Variants in CD226 observed in about 807,000 individuals in gnomAD.
The protein encoded by CD226 is CD226 molecule, also known as CD226 antigen.
CD226 carries 24 observed loss-of-function variants against 34.9 expected under a neutral mutation model. The observed-to-expected ratio is 0.69, with a 90% CI of 0.50 to 0.97. The LOEUF (loss-of-function observed/expected upper bound fraction) is 0.97, where lower values mean the gene tolerates loss of function less well. Ranked by LOEUF, CD226 falls within the 50% of genes least tolerant of loss-of-function variation. The pLI is 0.00. For missense variants in CD226, 397 were observed against 412.7 expected (o/e 0.96, Z 0.33); for synonymous variants, 148 against 147.4 (o/e 1.00, Z -0.03).
Position 69,903,890 on chromosome 18 carries a change from G to A in CD226, c.383-7845C>T, listed in dbSNP as rs140771473. Among the ~76,000 whole-genome samples, 413 of 152,194 alleles carry A rather than the reference G, an allele frequency of 2.7e-3. 1 individual carries two copies. Among genetic ancestry groups the A allele is most frequent in the African/African-American group, 9.4e-3 (389 of 41,506 alleles). On this transcript the variant is annotated intron_variant, in intron 2 of 5. Coordinates refer to ENST00000582621, the MANE Select transcript of CD226 (RefSeq NM_001303618.2). ...TTGGTATCATGTGCCAGCAGCTCTA[G>A]GACACTAATAGGGAGTAAGGACCAT...
chr18:69,893,159 T>C (rs1462982204), intron 3 of CD226, among the ~76,000 whole-genome samples: 1 of 152,204 alleles, frequency 6.6e-6, no homozygotes, highest in African/African-American at 2.4e-5. Context: ...CTGTCAATGA[T>C]AACTTTTTAC....
At chr18:69,909,252 A>T (rs977459675) in intron 2 of CD226, among the ~76,000 whole-genome samples, 5 of 152,138 alleles carry the variant, frequency 3.3e-5, no homozygotes, top group African/African-American at 1.2e-4. Context: ...TCCAAAGATG[A>T]TGTGTTGTAA....
Position 69,860,652 on chromosome 18 carries a change from T to C in CD226, c.*3662A>G, listed in dbSNP as rs1241995781. The C allele has an allele frequency of 1.3e-5, 2 of 152,082 alleles. No homozygotes were observed. The highest frequency in any genetic ancestry group is 4.8e-5 in the African/African-American group (2 of 41,414). 9.4% of individuals were successfully genotyped at this position (152,082 alleles called of 1,614,324 possible). A position where few individuals can be genotyped will look rare whatever the true frequency, so the allele number is the denominator to read the frequency against. ...AGATACATGTTTTAAGAGCCCAGAGTCTTGGCTGGAAGAACTCTAATGAAC... is the reference window on the plus strand; with the variant it reads ...AGATACATGTTTTAAGAGCCCAGAGCCTTGGCTGGAAGAACTCTAATGAAC... On this transcript the variant is annotated 3_prime_UTR_variant, in exon 6 of 6. Coordinates refer to ENST00000582621, the MANE Select transcript of CD226 (RefSeq NM_001303618.2).
intron 1 of CD226, 125 bp from the exon 2 acceptor site, chr18:69,947,194 T>G: frequency 1.1e-6 from 1 of 944,404 alleles, no homozygotes; most frequent in Non-Finnish European, 1.6e-6. Context: ...TGCCTTTGTC[T>G]AAAAAGGCGT....
chr18:69,896,397 G>A lies in CD226; in HGVS notation c.383-352C>T, dbSNP rs570081406. Among the ~76,000 whole-genome samples the A allele has an allele frequency of 3.4e-4, 51 of 152,180 alleles. 1 individual carries two copies. The South Asian group carries it at 7.3e-3, about 22-fold the overall frequency. On this transcript the variant is annotated intron_variant, in intron 2 of 5. Coordinates refer to ENST00000582621, the MANE Select transcript of CD226 (RefSeq NM_001303618.2). ...GGGCTTTCACCGTGTTAGCCAGGATGGTCTCAATCTCCTGACCTTGTGATC... is the reference window on the plus strand; with the variant it reads ...GGGCTTTCACCGTGTTAGCCAGGATAGTCTCAATCTCCTGACCTTGTGATC...
At chr18:69,942,276 G>A (rs2055734987) in intron 2 of CD226, among the ~76,000 whole-genome samples, 3 of 152,326 alleles carry the variant, frequency 2.0e-5, no homozygotes, top group African/African-American at 7.2e-5. Context: ...TTTCTCTGGA[G>A]AAGCCTGACT....
intron 4 of CD226, among the ~76,000 whole-genome samples, chr18:69,870,506 C>T (rs1983455660): frequency 6.6e-6 from 1 of 151,736 alleles, no homozygotes; most frequent in East Asian, 2.0e-4. Context: ...AACTCCTGAC[C>T]TCAAATGATC....
chr18:69,922,745 G>C (rs1457467055), intron 2 of CD226, among the ~76,000 whole-genome samples: 1 of 152,118 alleles, frequency 6.6e-6, no homozygotes, highest in Non-Finnish European at 1.5e-5. Flanking sequence ...CCTGGGAATG[G>C]GGCCCTTCGC....
At chr18:69,934,250 G>A (rs1301848519) in intron 2 of CD226, among the ~76,000 whole-genome samples, 2 of 149,390 alleles carry the variant, frequency 1.3e-5, no homozygotes, top group Non-Finnish European at 3.0e-5. Context: ...TATATATCAT[G>A]AAGGAAATGA....
upstream of CD226, among the ~76,000 whole-genome samples, chr18:69,951,807 C>T (rs575508473): frequency 2.8e-4 from 43 of 152,084 alleles, no homozygotes; most frequent in Non-Finnish European, 5.1e-4. Context: ...GGAAAGAGAA[C>T]ATTTATACAC....
Position 69,947,006 on chromosome 18 carries a change from C to A in CD226, c.110G>T (p.Cys37Phe). ...VPFAENMSLE[C>F]VYPSMGILTQ... is the part of the protein sequence containing the mutation. ...TAAGATGCCCATTGATGGATACACA[C>A]ATTCTAGAGACATGTTCTCGGCAAA... The change falls in exon 2 of 6, where the codon TGT becomes TTT. Residue 37 changes from cysteine to phenylalanine, a missense_variant. Transcript: ENST00000582621. 2 of 1,614,214 alleles carry A rather than the reference C, an allele frequency of 1.2e-6. No homozygotes were observed. The highest frequency in any genetic ancestry group is 3.3e-4 in the Middle Eastern group (2 of 6,062).
At chr18:69,873,357 G>T in intron 3 of CD226, 111 bp from the exon 4 acceptor site, 1 of 590,334 alleles carries the variant, frequency 1.7e-6, no homozygotes, top group Non-Finnish European at 3.0e-6. Flanking sequence ...CAAAAACAAA[G>T]AATCCAACAA....
chr18:69,870,862 GC>G (rs1178807386), intron 4 of CD226, among the ~76,000 whole-genome samples: 1 of 152,180 alleles, frequency 6.6e-6, no homozygotes, highest in Non-Finnish European at 1.5e-5. Flanking sequence ...CATTGTTGGA[GC>G]CCTTGGGTCA....
At position 69,857,927 on chromosome 18, in the gene CD226, GTA is replaced by G. The variant is rs1239565132; in HGVS notation, c.*6385_*6386del. 3 of 152,104 alleles carry G rather than the reference GTA, an allele frequency of 2.0e-5. No homozygotes were observed. Among genetic ancestry groups the G allele is most frequent in the Non-Finnish European group, 2.9e-5 (2 of 68,020 alleles). 9.4% of individuals were successfully genotyped at this position (152,104 alleles called of 1,614,324 possible). On this transcript the variant is annotated 3_prime_UTR_variant, in exon 6 of 6. Transcript: ENST00000582621. ...CTTCTTACTTGAAATTTTGGAGGTA[GTA>G]TGTTACCAAAAAAAATGGTAGTTCT... is the stretch of plus-strand genomic sequence containing the variant.
chr18:69,926,912 G>C (rs1205449324), intron 2 of CD226, among the ~76,000 whole-genome samples: 1 of 152,106 alleles, frequency 6.6e-6, no homozygotes, highest in Non-Finnish European at 1.5e-5. Flanking sequence ...GTGTAATAAA[G>C]ACAAGAACCA....
At chr18:69,895,666 T>A in intron 3 of CD226, 35 bp downstream of exon 3, 2 of 1,532,586 alleles carry the variant, frequency 1.3e-6, no homozygotes, top group Non-Finnish European at 9.0e-7. Context: ...GCTTTTTCCA[T>A]GTTTGATACC....
At chr18:69,865,193 T>C (rs1483280222) in intron 5 of CD226, among the ~76,000 whole-genome samples, 1 of 152,148 alleles carries the variant, frequency 6.6e-6, no homozygotes, top group Non-Finnish European at 1.5e-5. Context: ...TTTCGCCATG[T>C]TGGCCAGGCT....
Position 69,856,544 on chromosome 18 carries a change from C to A in CD226, c.*7770G>T, listed in dbSNP as rs1485662931. On this transcript the variant is annotated 3_prime_UTR_variant, in exon 6 of 6. Coordinates refer to ENST00000582621, the MANE Select transcript of CD226 (RefSeq NM_001303618.2). ...CACATGAAACATTCTACAAGATAGA[C>A]CATATTCTGGGCCATAAAATACACC... The A allele has an allele frequency of 6.6e-6, 1 of 152,006 alleles. No individual in the cohort carries two copies. The highest frequency in any genetic ancestry group is 2.4e-5 in the African/African-American group (1 of 41,380). The allele number at this position is 152,006 out of a possible 1,614,324, so 9.4% of individuals were successfully genotyped here.
At chr18:69,934,028 T>A (rs2055620267) in intron 2 of CD226, among the ~76,000 whole-genome samples, 1 of 152,162 alleles carries the variant, frequency 6.6e-6, no homozygotes, top group African/African-American at 2.4e-5. Context: ...TTGAGAAATC[T>A]GATGTCAGGA....
Sources: gnomAD v4.1 joint callset for allele counts (sites outside exome capture counted in the v4.1 genomes callset) on GRCh38, gnomAD v4.1.1 for gene constraint, MANE v1.5 for transcripts, NCBI Gene and HGNC (gene_info 2026-07-23, HGNC 2026-07-21) for gene names.